The following RGS6 variants were observed in gnomAD, a reference collection of about 807,000 sequenced individuals.
The protein encoded by RGS6 is regulator of G protein signaling 6.
RGS6 carries 30 observed loss-of-function variants against 78.5 expected under a neutral mutation model. The ratio of observed to expected loss-of-function variants is 0.38; its 90% CI spans 0.29 to 0.52. The LOEUF is 0.52. Ranked by LOEUF, RGS6 falls within the 20% of genes least tolerant of loss-of-function variation. RGS6 has a pLI of 0.85. For missense variants in RGS6, 495 were observed against 609.7 expected, an observed-to-expected ratio of 0.81 and a Z score of 1.98; for synonymous variants, 206 against 206.0, an observed-to-expected ratio of 1.00 and a Z score of 0.00.
At chr14:72,310,491 G>A (rs1298476265) in intron 2 of RGS6, among the ~76,000 whole-genome samples, 1 of 152,196 alleles carries the variant, frequency 6.6e-6, no homozygotes, top group Non-Finnish European at 1.5e-5. Flanking sequence ...TAGTCAGAAG[G>A]AATGAGGCTA....
At chr14:72,379,397 G>A (rs1305627377) in intron 3 of RGS6, among the ~76,000 whole-genome samples, 2 of 152,064 alleles carry the variant, frequency 1.3e-5, no homozygotes, top group African/African-American at 4.8e-5. Flanking sequence ...AATTGTCTCT[G>A]TTTGCAGGCA....
At chr14:72,225,744 G>A (rs947073123) in intron 2 of RGS6, among the ~76,000 whole-genome samples, 2 of 151,976 alleles carry the variant, frequency 1.3e-5, no homozygotes, top group Non-Finnish European at 2.9e-5. Flanking sequence ...TATGCTTTTT[G>A]CAAAAATAGG....
At chr14:72,443,400 G>C (rs1030485500) in intron 3 of RGS6, among the ~76,000 whole-genome samples, 2 of 152,200 alleles carry the variant, frequency 1.3e-5, no homozygotes, top group African/African-American at 2.4e-5. Context: ...GTTCCAAAGT[G>C]GTGGCAGACT....
At chr14:72,611,781 T>G in the RGS6 span, among the ~76,000 whole-genome samples, 1 of 152,084 alleles carries the variant, frequency 6.6e-6, no homozygotes, top group African/African-American at 2.4e-5. Context: ...GGTCATCTGT[T>G]TTCTTCCCCC....
At chr14:72,582,039 T>C in the RGS6 span, among the ~76,000 whole-genome samples, 3 of 152,188 alleles carry the variant, frequency 2.0e-5, no homozygotes, top group Non-Finnish European at 4.4e-5. Context: ...TTTGGCTTTA[T>C]ATCGACCTAC....
At chr14:72,567,643 T>C (rs2097715130), downstream of RGS6, among the ~76,000 whole-genome samples, 1 of 152,210 alleles carries the variant, frequency 6.6e-6, no homozygotes, top group African/African-American at 2.4e-5. Context: ...TCTCCTTTGC[T>C]GCCAGCCTCC....
At chr14:72,207,990 G>A (rs564826683) in intron 2 of RGS6, among the ~76,000 whole-genome samples, 5 of 152,186 alleles carry the variant, frequency 3.3e-5, no homozygotes, top group Non-Finnish European at 7.3e-5. Context: ...GTTTGAGGCT[G>A]CAGTTGCTGT....
the RGS6 span, among the ~76,000 whole-genome samples, chr14:71,881,757 T>A: frequency 6.6e-6 from 1 of 152,170 alleles, no homozygotes; most frequent in Non-Finnish European, 1.5e-5. Flanking sequence ...AGCTGCTTAG[T>A]GTGGAGGCTG....
chr14:72,062,869 C>T (rs1053045388), intron 2 of RGS6, among the ~76,000 whole-genome samples: 11 of 152,122 alleles, frequency 7.2e-5, no homozygotes, highest in Non-Finnish European at 1.5e-4. Flanking sequence ...CTCTGTCATC[C>T]GGGCTAGAGT....
At chr14:72,420,238 T>C (rs754516806) in intron 3 of RGS6, among the ~76,000 whole-genome samples, 33 of 152,178 alleles carry the variant, frequency 2.2e-4, no homozygotes, top group Non-Finnish European at 4.0e-4. Flanking sequence ...GGTGTTACGT[T>C]TTTATAACCT....
intron 17 of RGS6, among the ~76,000 whole-genome samples, chr14:72,549,525 C>A (rs1373515350): frequency 2.0e-5 from 3 of 152,144 alleles, no homozygotes; most frequent in Admixed American, 2.0e-4. Flanking sequence ...TGCCTTTTAC[C>A]CAATGCCAGT....
intron 12 of RGS6, among the ~76,000 whole-genome samples, chr14:72,479,461 G>A (rs1312070115): frequency 6.6e-6 from 1 of 152,180 alleles, no homozygotes; most frequent in Non-Finnish European, 1.5e-5. Context: ...GAGGCCAGTA[G>A]TCCCCCACCA....
intron 2 of RGS6, among the ~76,000 whole-genome samples, chr14:72,194,982 C>T (rs377585286): frequency 1.9e-4 from 29 of 152,152 alleles, no homozygotes; most frequent in South Asian, 1.5e-3. Context: ...CCGAGGCAGG[C>T]GGATCGCTTG....
At chr14:72,549,940 C>A (rs1171314948) in intron 17 of RGS6, among the ~76,000 whole-genome samples, 2 of 152,186 alleles carry the variant, frequency 1.3e-5, no homozygotes, top group Admixed American at 1.3e-4. Flanking sequence ...CTCTAGGGCC[C>A]TGCCAGGGGG....
chr14:72,246,332 A>G (rs1327175224), intron 2 of RGS6, among the ~76,000 whole-genome samples: 3 of 152,222 alleles, frequency 2.0e-5, no homozygotes, highest in Admixed American at 2.0e-4. Context: ...TGGTAATACA[A>G]CAATTCTAAG....
chr14:72,554,009 T>C lies in RGS6; in HGVS notation c.1423-8408T>C, dbSNP rs571690079. Among the ~76,000 whole-genome samples the C allele has an allele frequency of 9.5e-4, 145 of 152,380 alleles. 2 individuals are homozygous for C. The highest frequency in any genetic ancestry group is 1.9e-3 in the Non-Finnish European group (129 of 68,034). On this transcript the variant is annotated intron_variant, in intron 17 of 17. Coordinates refer to ENST00000553525, the MANE Select transcript of RGS6 (RefSeq NM_001204424.2). ...CCTAAGTTTCTGTCCAGGTATCTCC[T>C]GAAAACGCTGCTTAGTCTGTTCCCT... is the stretch of plus-strand genomic sequence containing the variant.
chr14:72,057,136 A>C (rs1172104894), intron 2 of RGS6, among the ~76,000 whole-genome samples: 1 of 150,778 alleles, frequency 6.6e-6, no homozygotes, highest in Non-Finnish European at 1.5e-5. Flanking sequence ...CAACATGGTG[A>C]AACCCCATCT....
chr14:71,967,586 C>A (rs2093598790), intron 2 of RGS6, among the ~76,000 whole-genome samples: 1 of 152,080 alleles, frequency 6.6e-6, no homozygotes, highest in African/African-American at 2.4e-5. Context: ...CCTTAGATAC[C>A]CACGACTACA....
intron 15 of RGS6, among the ~76,000 whole-genome samples, chr14:72,533,148 T>A (rs1172780919): frequency 6.6e-6 from 1 of 152,210 alleles, no homozygotes; most frequent in Non-Finnish European, 1.5e-5. Flanking sequence ...TATAAGTCGA[T>A]GCCAATGCTC....
Sources: gnomAD v4.1 joint callset for allele counts (sites outside exome capture counted in the v4.1 genomes callset) on GRCh38, gnomAD v4.1.1 for gene constraint, MANE v1.5 for transcripts, NCBI Gene and HGNC (gene_info 2026-07-23, HGNC 2026-07-21) for gene names.